POPDC3: variants seen among roughly 807,000 people sequenced by gnomAD.
POPDC3 encodes popeye domain-containing protein 3.
A neutral mutation model predicts 28.2 loss-of-function variants in POPDC3; 20 were observed. That is an observed-to-expected ratio of 0.71 (90% CI 0.50 to 1.03). The LOEUF is 1.03. POPDC3 is among the 50% of genes least tolerant of loss of function. The pLI, the probability that POPDC3 is intolerant of heterozygous loss-of-function variation, is 0.00. For synonymous variants in POPDC3, 118 were observed against 124.1 expected (o/e 0.95, Z 0.33); for missense variants, 316 against 345.9 (o/e 0.91, Z 0.69).
At chr6:105,162,738 C>CAT (rs1279058505) in intron 1 of POPDC3, among the ~76,000 whole-genome samples, 1 of 152,198 alleles carries the variant, frequency 6.6e-6, no homozygotes, top group East Asian at 1.9e-4. Context: ...TGTATTAATA[C>CAT]ATATATATAT....
At chr6:105,179,017 C>T (rs1240686028) in intron 1 of POPDC3, 1 of 985,318 alleles carries the variant, frequency 1.0e-6, no homozygotes, top group Non-Finnish European at 1.2e-6. Context: ...TCTAATTCTA[C>T]TTTTCCATTT....
intron 1 of POPDC3, among the ~76,000 whole-genome samples, chr6:105,174,178 AT>A (rs1774636530): frequency 6.6e-6 from 1 of 152,178 alleles, no homozygotes; most frequent in African/African-American, 2.4e-5. Context: ...AGTAACTGGG[AT>A]TAAAGGCGCT....
intron 1 of POPDC3, among the ~76,000 whole-genome samples, chr6:105,171,426 T>C (rs1774574837): frequency 6.6e-6 from 1 of 152,104 alleles, no homozygotes; most frequent in South Asian, 2.1e-4. Flanking sequence ...CCCAGCACTT[T>C]GGGAGGCCGA....
At chr6:105,174,229 G>C (rs1444089247) in intron 1 of POPDC3, among the ~76,000 whole-genome samples, 3 of 152,254 alleles carry the variant, frequency 2.0e-5, no homozygotes, top group South Asian at 2.1e-4. Flanking sequence ...AGTAGAGATG[G>C]GGTTTTACAA....
intron 1 of POPDC3, among the ~76,000 whole-genome samples, chr6:105,176,474 G>C (rs1293898713): frequency 6.6e-6 from 1 of 152,202 alleles, no homozygotes; most frequent in Non-Finnish European, 1.5e-5. Flanking sequence ...GGGACTCAAA[G>C]TAGGGAGAAA....
intron 3 of POPDC3, among the ~76,000 whole-genome samples, 189 bp downstream of exon 3, chr6:105,159,522 C>T (rs1774272658): frequency 6.6e-6 from 1 of 152,202 alleles, no homozygotes; most frequent in South Asian, 2.1e-4. Context: ...CTTCTCATCG[C>T]TGGACCTATA....
intron 1 of POPDC3, among the ~76,000 whole-genome samples, chr6:105,162,614 C>A (rs1256233204): frequency 6.6e-6 from 1 of 152,190 alleles, no homozygotes; most frequent in Non-Finnish European, 1.5e-5. Flanking sequence ...CGCCTGGGAT[C>A]CCAGCTACTC....
Position 105,161,483 on chromosome 6 carries a change from A to G in POPDC3, c.427T>C (p.Cys143Arg). ...SEVVTLEKEHCYAMQGKTSID... is the reference protein window; with the variant it reads ...SEVVTLEKEHRYAMQGKTSID... ...GAAGTTTTCCCCTGCATGGCATAAC[A>G]GTGTTCCTTTTCCAAAGTAACCACT... The change falls in exon 2 of 4, where the codon TGT becomes CGT. Residue 143 changes from cysteine (C) to arginine (R), a missense_variant. Cys to Arg is a radical substitution (Grantham distance 180). Coordinates refer to ENST00000254765, the MANE Select transcript of POPDC3 (RefSeq NM_022361.5). 1 of 1,614,208 alleles carries G rather than the reference A, an allele frequency of 6.2e-7. No individual in the cohort carries two copies.
chr6:105,171,526 T>C (rs376227205), intron 1 of POPDC3, among the ~76,000 whole-genome samples: 14 of 152,036 alleles, frequency 9.2e-5, no homozygotes, highest in South Asian at 4.2e-4. Context: ...AAAGAATTTG[T>C]TGGGCATGGT....
At chr6:105,170,043 G>C (rs1050481645) in intron 1 of POPDC3, 5 of 152,306 alleles carry the variant, frequency 3.3e-5, no homozygotes, top group African/African-American at 1.2e-4. Flanking sequence ...GGATAGGAGG[G>C]TAGGTCCTAC....
intron 1 of POPDC3, chr6:105,166,764 C>T (rs1219964897): frequency 2.7e-6 from 1 of 372,818 alleles, no homozygotes; most frequent in Non-Finnish European, 5.5e-6. Flanking sequence ...TAGATTGTGT[C>T]ATACTGACCA....
intron 1 of POPDC3, among the ~76,000 whole-genome samples, chr6:105,177,674 G>A (rs1409726107): frequency 6.6e-6 from 1 of 152,206 alleles, no homozygotes; most frequent in Non-Finnish European, 1.5e-5. Flanking sequence ...CAGAGTGGAA[G>A]ATGAAGCTCA....
chr6:105,175,160 C>A (rs1221158235), intron 1 of POPDC3, among the ~76,000 whole-genome samples: 2 of 151,352 alleles, frequency 1.3e-5, no homozygotes, highest in African/African-American at 2.4e-5. Flanking sequence ...GAGCAAGACT[C>A]CATCTCAAAA....
chr6:105,179,995 C>T lies in POPDC3; in HGVS notation c.-414G>A, dbSNP rs1774759550. 1 of 146,266 alleles carries T rather than the reference C, an allele frequency of 6.8e-6. No homozygotes were observed. Among genetic ancestry groups the T allele is most frequent in the South Asian group, 2.1e-4 (1 of 4,786 alleles). 9.1% of individuals were successfully genotyped at this position (146,266 alleles called of 1,614,324 possible). A position where few individuals can be genotyped will look rare whatever the true frequency, so the allele number is the denominator to read the frequency against. ...CCGGGCGCAGCGTGACCGCAGCGGGCTCCGGAGCGGCGCGGCGGCGCGGGC... is the reference window on the plus strand; with the variant it reads ...CCGGGCGCAGCGTGACCGCAGCGGGTTCCGGAGCGGCGCGGCGGCGCGGGC... On this transcript the variant is annotated 5_prime_UTR_variant, in exon 1 of 4. Coordinates refer to ENST00000254765, the MANE Select transcript of POPDC3 (RefSeq NM_022361.5).
intron 1 of POPDC3, among the ~76,000 whole-genome samples, chr6:105,164,577 CA>C (rs1774419671): frequency 6.6e-6 from 1 of 152,234 alleles, no homozygotes; most frequent in Middle Eastern, 3.2e-3. Flanking sequence ...GAAGAACTGA[CA>C]GGGGCAGGTG....
intron 1 of POPDC3, among the ~76,000 whole-genome samples, chr6:105,176,359 G>A (rs553573485): frequency 5.9e-5 from 9 of 152,256 alleles, no homozygotes; most frequent in African/African-American, 1.9e-4. Context: ...TGGGCATAAT[G>A]TGATGAGCTG....
chr6:105,170,378 C>T (rs1774551691), intron 1 of POPDC3, among the ~76,000 whole-genome samples: 1 of 152,110 alleles, frequency 6.6e-6, no homozygotes, highest in Non-Finnish European at 1.5e-5. Context: ...TCTAAGTGAC[C>T]TATATGCAGA....
At position 105,162,100 on chromosome 6, in the gene POPDC3, G is replaced by T; in HGVS notation, c.-191C>A. The T allele has an allele frequency of 7.6e-7, 1 of 1,317,394 alleles. No individual in the cohort carries two copies. Among genetic ancestry groups the T allele is most frequent in the East Asian group, 2.8e-5 (1 of 35,222 alleles). The allele number at this position is 1,317,394 out of a possible 1,614,324, so 81.6% of individuals were successfully genotyped here. A position where few individuals can be genotyped will look rare whatever the true frequency, so the allele number is the denominator to read the frequency against. ...TTGAAAAACTAAGAATCCCATGCTC[G>T]CTTCTTTAAGTTCATCTGGGCTCCT... On this transcript the variant is annotated 5_prime_UTR_variant, in exon 2 of 4. Coordinates refer to ENST00000254765, the MANE Select transcript of POPDC3 (RefSeq NM_022361.5).
chr6:105,178,537 T>C (rs1193134463), intron 1 of POPDC3, among the ~76,000 whole-genome samples: 1 of 151,004 alleles, frequency 6.6e-6, no homozygotes, highest in African/African-American at 2.5e-5. Context: ...AGATTTCAAT[T>C]AATATTTGTA....
Sources: gnomAD v4.1 joint callset for allele counts (sites outside exome capture counted in the v4.1 genomes callset) on GRCh38, gnomAD v4.1.1 for gene constraint, MANE v1.5 for transcripts, NCBI Gene and HGNC (gene_info 2026-07-23, HGNC 2026-07-21) for gene names.